SAMHD1: variants seen among roughly 807,000 people sequenced by gnomAD.
The protein encoded by SAMHD1 is SAM and HD domain containing deoxynucleoside triphosphate triphosphohydrolase 1.
In SAMHD1, 54 loss-of-function variants were observed where a neutral mutation model predicts 79.6. The observed-to-expected ratio is 0.68, with a 90% CI of 0.55 to 0.85. SAMHD1 has a LOEUF of 0.85. Among genes scored for constraint, SAMHD1 ranks in the 40% least tolerant of loss-of-function variants. The pLI, the probability that SAMHD1 is intolerant of heterozygous loss-of-function variation, is 0.00. For synonymous variants in SAMHD1, 260 were observed against 264.1 expected (o/e 0.98, Z 0.15); for missense variants, 663 against 782.7 (o/e 0.85, Z 1.82).
At chr20:36,936,279 G>C (rs1199817503) in intron 3 of SAMHD1, among the ~76,000 whole-genome samples, 9 of 151,996 alleles carry the variant, frequency 5.9e-5, no homozygotes, top group Non-Finnish European at 1.0e-4. Flanking sequence ...ATTTTGTACA[G>C]CTGAACAATG....
chr20:36,911,135 A>G (rs574952529), intron 11 of SAMHD1, 83 bp downstream of exon 11: 3 of 773,612 alleles, frequency 3.9e-6, no homozygotes, highest in Admixed American at 2.1e-5. Context: ...AAAATAAAAG[A>G]AAGAAAAATA....
At chr20:36,935,458 G>GACTT in intron 3 of SAMHD1, 1 of 452,558 alleles carries the variant, frequency 2.2e-6, no homozygotes, top group East Asian at 4.5e-5. Context: ...TTATGTATAT[G>GACTT]ACTTAGTCTT....
chr20:36,918,907 G>A (rs915153481), intron 7 of SAMHD1, among the ~76,000 whole-genome samples: 3 of 151,976 alleles, frequency 2.0e-5, no homozygotes, highest in African/African-American at 4.8e-5. Flanking sequence ...AGGCAGAGCT[G>A]GGCAGATCAC....
chr20:36,910,758 A>G (rs1224237810), intron 11 of SAMHD1, among the ~76,000 whole-genome samples: 2 of 151,938 alleles, frequency 1.3e-5, no homozygotes, highest in Non-Finnish European at 2.9e-5. Flanking sequence ...TAAATAATGT[A>G]TATTGAGTAC....
rs989233645 is a variant in SAMHD1 at position 36,898,054 on chromosome 20, G to A, written c.1609-95C>T. On this transcript the variant is annotated intron_variant, in intron 14 of 15. Transcript: ENST00000646673. Reference sequence around the variant, plus strand: ...CTCCTAACTATTCCTTTTTTTTTGAGACAAGATCTCCCTGTCACCCAGGCT... The same window carrying A: ...CTCCTAACTATTCCTTTTTTTTTGAAACAAGATCTCCCTGTCACCCAGGCT... The A allele has an allele frequency of 5.1e-5, 74 of 1,462,800 alleles. No individual in the cohort carries two copies. In the East Asian group the frequency reaches 1.7e-3, roughly 33 times the overall value. The allele number at this position is 1,462,800 out of a possible 1,614,324, so 90.6% of individuals were successfully genotyped here.
chr20:36,896,473 C>T (rs1187077500), intron 15 of SAMHD1, among the ~76,000 whole-genome samples: 1 of 152,126 alleles, frequency 6.6e-6, no homozygotes, highest in Non-Finnish European at 1.5e-5. Context: ...AAAAAAATCT[C>T]TTAGCCAATT....
At chr20:36,905,293 G>C (rs1380650412) in intron 12 of SAMHD1, 71 bp downstream of exon 12, 6 of 1,490,622 alleles carry the variant, frequency 4.0e-6, no homozygotes, top group Non-Finnish European at 4.7e-6. Flanking sequence ...ATAGTATCAC[G>C]ATAGGTTAGT....
At chr20:36,950,968 G>A (rs749827122) in intron 1 of SAMHD1, among the ~76,000 whole-genome samples, 2 of 152,182 alleles carry the variant, frequency 1.3e-5, no homozygotes, top group African/African-American at 2.4e-5. Flanking sequence ...GAGCCTGGAT[G>A]ACAGCAAGCC....
intron 1 of SAMHD1, among the ~76,000 whole-genome samples, chr20:36,947,588 G>T (rs2063702326): frequency 7.3e-6 from 1 of 136,334 alleles, no homozygotes; most frequent in Non-Finnish European, 1.6e-5. Flanking sequence ...GTGTGTGTGT[G>T]TGTTGTTGGG....
At chr20:36,905,180 T>A in intron 12 of SAMHD1, 184 bp downstream of exon 12, 1 of 648,326 alleles carries the variant, frequency 1.5e-6, no homozygotes, top group South Asian at 1.8e-5. Flanking sequence ...AGTTATTTAA[T>A]CTCAGTGAAG....
intron 4 of SAMHD1, among the ~76,000 whole-genome samples, chr20:36,933,499 A>G (rs1268568018): frequency 2.0e-4 from 31 of 151,956 alleles, no homozygotes; most frequent in Non-Finnish European, 5.9e-5. Context: ...GCTTTTATTT[A>G]TTTATTTATT....
intron 3 of SAMHD1, among the ~76,000 whole-genome samples, chr20:36,936,267 T>C (rs1352588301): frequency 6.6e-6 from 1 of 151,830 alleles, no homozygotes; most frequent in African/African-American, 2.4e-5. Context: ...AGCAAGAAAA[T>C]AATTTTGTAC....
Position 36,930,852 on chromosome 20 carries a change from A to C in SAMHD1, c.533T>G (p.Leu178Arg). The C allele has an allele frequency of 1.2e-6, 2 of 1,613,764 alleles. No individual in the cohort carries two copies. The highest frequency in any genetic ancestry group is 8.5e-7 in the Non-Finnish European group (1 of 1,179,688). Reference protein sequence around the residue: ...SLGVGYLAGCLVHALGEKQPE... With the variant: ...SLGVGYLAGCRVHALGEKQPE... ...TTGTTTTTCACCCAGTGCGTGAACT[A>C]GACATCCTGCTAGATACCCCACCCT... The change falls in exon 5 of 16, where the codon CTA becomes CGA. Residue 178 changes from leucine to arginine, a missense_variant. Transcript: ENST00000646673.
chr20:36,920,541 CG>C (rs1435532987), intron 6 of SAMHD1, among the ~76,000 whole-genome samples: 2 of 151,198 alleles, frequency 1.3e-5, no homozygotes, highest in Non-Finnish European at 3.0e-5. Context: ...CCGAGGTGGG[CG>C]GATCACTTGA....
rs1330443890 is a variant in SAMHD1, at chr20:36,951,596, A to G, written c.48T>C (p.Asp16=). The G allele has an allele frequency of 1.2e-6, 2 of 1,614,156 alleles. No individual in the cohort carries two copies. Among genetic ancestry groups the G allele is most frequent in the Admixed American group, 3.3e-5 (2 of 60,032 alleles). ...SEQPSKRPRC[D]DSPRTPSNTP... ...TGTTTGAGGGGGTTCTCGGGCTGTC[A>G]TCGCAACGGGGACGCTTGGAGGGCT... is the stretch of plus-strand genomic sequence containing the variant. The change falls in exon 1 of 16, where the codon GAT becomes GAC. Residue 16 remains aspartate, a synonymous_variant. Transcript: ENST00000646673.
chr20:36,938,903 G>A (rs1383260545), intron 3 of SAMHD1, among the ~76,000 whole-genome samples: 2 of 151,414 alleles, frequency 1.3e-5, no homozygotes, highest in African/African-American at 4.8e-5. Context: ...AACCAAAAAT[G>A]TTCATTAAAT....
In SAMHD1 at chr20:36,919,445, A is replaced by G. The variant is rs759457537; in HGVS notation, c.771T>C (p.Tyr257=). ...AAATATCTTCTTCAGGGATGAGACC[A>G]TATTGTTCCATGACAGGCTTAATTC... ...SNGIKPVMEQ[Y]GLIPEEDICF... Residue 257 remains tyrosine (Y), a synonymous_variant, in exon 7 of 16, where the codon TAT becomes TAC. Coordinates refer to ENST00000646673, the MANE Select transcript of SAMHD1 (RefSeq NM_015474.4). 2 of 1,613,274 alleles carry G rather than the reference A, an allele frequency of 1.2e-6. No homozygotes were observed. Among genetic ancestry groups the G allele is most frequent in the Admixed American group, 3.3e-5 (2 of 59,998 alleles).
In SAMHD1 at chr20:36,898,505, T is replaced by C. The variant is rs755813438; in HGVS notation, c.1543A>G (p.Ile515Val). Residue 515 changes from isoleucine to valine, a missense_variant, in exon 14 of 16, where the codon ATT (isoleucine) becomes GTT (valine). Coordinates refer to ENST00000646673, the MANE Select transcript of SAMHD1 (RefSeq NM_015474.4). ...TTACAATAGAAGCTAACATGATCAA[T>C]TGGATTCTTTTCTTGCATTCCATAA... Reference protein sequence around the residue: ...MDYGMQEKNPIDHVSFYCKTA... With the variant: ...MDYGMQEKNPVDHVSFYCKTA... 2.5e-6 allele frequency: 4 copies of C among 1,613,938 alleles called. No homozygotes were observed. Among genetic ancestry groups the C allele is most frequent in the African/African-American group, 1.3e-5 (1 of 74,906 alleles).
At chr20:36,907,813 A>G (rs2063413965) in intron 11 of SAMHD1, among the ~76,000 whole-genome samples, 1 of 152,094 alleles carries the variant, frequency 6.6e-6, no homozygotes, top group African/African-American at 2.4e-5. Context: ...ATTATTATGA[A>G]TGAAAATTAA....
Sources: allele counts gnomAD v4.1 joint callset (sites outside exome capture counted in the v4.1 genomes callset), GRCh38; gene constraint gnomAD v4.1.1; transcripts MANE v1.5; gene names NCBI Gene and HGNC (gene_info 2026-07-23, HGNC 2026-07-21).